Variants in INSC observed in about 807,000 individuals in gnomAD.
INSC encodes protein inscuteable homolog.
Under a neutral mutation model 58.6 loss-of-function variants are expected in INSC, and 67 were observed. The ratio of observed to expected loss-of-function variants is 1.14; its 90% CI spans 0.94 to 1.40. The LOEUF (loss-of-function observed/expected upper bound fraction) is 1.40. Ranked by LOEUF, INSC falls within the 40% of genes most tolerant of loss-of-function variation. The pLI, the probability that INSC is intolerant of heterozygous loss-of-function variation, is 0.00. For synonymous variants in INSC, 262 were observed against 276.1 expected, an observed-to-expected ratio of 0.95 and a Z score of 0.51; for missense variants, 714 against 692.0, an observed-to-expected ratio of 1.03 and a Z score of -0.36.
At chr11:15,247,970 T>C (rs1248728895), downstream of INSC, among the ~76,000 whole-genome samples, 1 of 152,134 alleles carries the variant, frequency 6.6e-6, no homozygotes, top group Non-Finnish European at 1.5e-5. Context: ...TTTGAGAAAA[T>C]ATCTGCCAAA....
intron 2 of INSC, among the ~76,000 whole-genome samples, chr11:15,158,396 A>G (rs1267395977): frequency 6.6e-6 from 1 of 151,516 alleles, no homozygotes; most frequent in Non-Finnish European, 1.5e-5. Flanking sequence ...TTGCCATATG[A>G]CTTTTTGACC....
At chr11:15,242,908 T>C (rs1365188246) in intron 12 of INSC, among the ~76,000 whole-genome samples, 1 of 152,188 alleles carries the variant, frequency 6.6e-6, no homozygotes, top group Non-Finnish European at 1.5e-5. Context: ...TCTAGAGGCC[T>C]GCACTTTTCA....
At chr11:15,135,599 T>C (rs967327025) in intron 1 of INSC, among the ~76,000 whole-genome samples, 6 of 152,226 alleles carry the variant, frequency 3.9e-5, no homozygotes, top group Non-Finnish European at 8.8e-5. Flanking sequence ...TTTGGTTCAG[T>C]CTGGATTCTC....
At chr11:15,262,907 A>G in the INSC span, among the ~76,000 whole-genome samples, 1 of 152,148 alleles carries the variant, frequency 6.6e-6, no homozygotes, top group Non-Finnish European at 1.5e-5. Context: ...CCTACACTGA[A>G]TATAGGTATC....
At chr11:15,120,717 G>C (rs1847850828) in intron 1 of INSC, among the ~76,000 whole-genome samples, 1 of 152,138 alleles carries the variant, frequency 6.6e-6, no homozygotes, top group Non-Finnish European at 1.5e-5. Flanking sequence ...TAGACTTTTT[G>C]TCATATTTAT....
the INSC span, among the ~76,000 whole-genome samples, chr11:15,260,534 A>C: frequency 6.6e-6 from 1 of 152,188 alleles, no homozygotes; most frequent in Non-Finnish European, 1.5e-5. Flanking sequence ...AATAACATCA[A>C]GCTCACATGG....
At chr11:15,237,065 GT>G (rs1439737207) in intron 10 of INSC, among the ~76,000 whole-genome samples, 1 of 152,124 alleles carries the variant, frequency 6.6e-6, no homozygotes, top group Non-Finnish European at 1.5e-5. Flanking sequence ...TCTGTAGAGG[GT>G]TTTATGGTTC....
downstream of INSC, among the ~76,000 whole-genome samples, chr11:15,249,999 A>G (rs558018582): frequency 8.2e-4 from 125 of 152,338 alleles, 3 homozygotes; most frequent in South Asian, 0.024. Context: ...GGCCTAAAGC[A>G]TACACATTGC....
At chr11:15,252,945 C>A in the INSC span, among the ~76,000 whole-genome samples, 1 of 152,150 alleles carries the variant, frequency 6.6e-6, no homozygotes, top group East Asian at 1.9e-4. Flanking sequence ...ACCACCATCT[C>A]CCTGTGTCCC....
intron 9 of INSC, among the ~76,000 whole-genome samples, chr11:15,231,349 C>A (rs1945621): frequency 0.028 from 4,237 of 152,258 alleles, 78 homozygotes; most frequent in African/African-American, 0.04. Flanking sequence ...GAAGAATTGT[C>A]TTGGGCCACA....
At chr11:15,174,114 T>A (rs1053691825) in intron 2 of INSC, among the ~76,000 whole-genome samples, 2 of 151,650 alleles carry the variant, frequency 1.3e-5, no homozygotes, top group Non-Finnish European at 2.9e-5. Flanking sequence ...GGCTGACTAT[T>A]CCCATGCTAC....
At chr11:15,247,837 A>G (rs1026140347), downstream of INSC, among the ~76,000 whole-genome samples, 1 of 151,732 alleles carries the variant, frequency 6.6e-6, no homozygotes, top group Non-Finnish European at 1.5e-5. Flanking sequence ...TAATATCATT[A>G]TGATCTCATC....
chr11:15,231,335 GGAA>G (rs1273290094), intron 9 of INSC, among the ~76,000 whole-genome samples: 3 of 152,098 alleles, frequency 2.0e-5, no homozygotes, highest in East Asian at 1.9e-4. Context: ...GGGCCACACT[GGAA>G]GAAGAATTGT....
At chr11:15,234,998 T>C (rs144179537) in intron 9 of INSC, 1 of 159,224 alleles carries the variant, frequency 6.3e-6, no homozygotes, top group East Asian at 1.8e-4. Context: ...TGATGACTGA[T>C]AAGCGAGGCT....
the INSC span, among the ~76,000 whole-genome samples, chr11:15,255,535 G>A: frequency 2.0e-5 from 3 of 152,270 alleles, no homozygotes; most frequent in Admixed American, 2.0e-4. Flanking sequence ...AGCAATGACA[G>A]CCTTTGGGAA....
At chr11:15,261,496 A>C in the INSC span, among the ~76,000 whole-genome samples, 1 of 152,178 alleles carries the variant, frequency 6.6e-6, no homozygotes. Context: ...TTTTAAATTA[A>C]GCACCTATTT....
chr11:15,161,640 T>C (rs1443328706), intron 2 of INSC, among the ~76,000 whole-genome samples: 2 of 152,324 alleles, frequency 1.3e-5, no homozygotes, highest in East Asian at 3.9e-4. Flanking sequence ...TGTTGCAACC[T>C]GCTTAGCACC....
At chr11:15,194,258 G>C (rs757612784) in intron 6 of INSC, among the ~76,000 whole-genome samples, 5 of 152,136 alleles carry the variant, frequency 3.3e-5, no homozygotes, top group Admixed American at 6.6e-5. Flanking sequence ...GACAGAACCA[G>C]GGATCTAATT....
At chr11:15,125,693 T>A (rs1467060054) in intron 1 of INSC, among the ~76,000 whole-genome samples, 1 of 152,252 alleles carries the variant, frequency 6.6e-6, no homozygotes, top group Non-Finnish European at 1.5e-5. Flanking sequence ...AGTCTTTACC[T>A]GCTACTTGGA....
Sources: gnomAD v4.1 joint callset for allele counts (sites outside exome capture counted in the v4.1 genomes callset) on GRCh38, gnomAD v4.1.1 for gene constraint, MANE v1.5 for transcripts, NCBI Gene and HGNC (gene_info 2026-07-23, HGNC 2026-07-21) for gene names.